The following KATNAL1 variants were observed in gnomAD, a reference collection of about 807,000 sequenced individuals.
KATNAL1 encodes the protein katanin p60 ATPase-containing subunit A-like 1.
KATNAL1 carries 32 observed loss-of-function variants against 55.2 expected under a neutral mutation model. That is an observed-to-expected ratio of 0.58 (90% CI 0.44 to 0.78). KATNAL1 has a LOEUF of 0.78. Among genes scored for constraint, KATNAL1 ranks in the 30% least tolerant of loss-of-function variants. The pLI is 0.00. For missense variants in KATNAL1, 466 were observed against 600.9 expected (o/e 0.78, Z 2.35); for synonymous variants, 193 against 193.6 (o/e 1.00, Z 0.02).
chr13:30,211,251 C>T (rs1267676630), intron 9 of KATNAL1, among the ~76,000 whole-genome samples: 1 of 152,178 alleles, frequency 6.6e-6, no homozygotes, highest in African/African-American at 2.4e-5. Context: ...ATACCCATTT[C>T]CCTTTCACTG....
chr13:30,261,039 G>C (rs1379635881), intron 3 of KATNAL1, among the ~76,000 whole-genome samples: 1 of 151,982 alleles, frequency 6.6e-6, no homozygotes, highest in Non-Finnish European at 1.5e-5. Flanking sequence ...AACTCTACAA[G>C]CCAGAAGAGA....
intron 3 of KATNAL1, among the ~76,000 whole-genome samples, chr13:30,261,961 C>T (rs897002880): frequency 2.0e-5 from 3 of 152,076 alleles, no homozygotes; most frequent in Admixed American, 6.5e-5. Context: ...TGACCACATA[C>T]TTGGAAGTAA....
intron 4 of KATNAL1, among the ~76,000 whole-genome samples, chr13:30,245,129 G>A (rs1045538866): frequency 1.1e-4 from 16 of 151,956 alleles, no homozygotes; most frequent in East Asian, 7.7e-4. Context: ...CAATATTCCC[G>A]ATGAACATCA....
chr13:30,248,298 C>T (rs547478178), intron 4 of KATNAL1, among the ~76,000 whole-genome samples: 6 of 152,226 alleles, frequency 3.9e-5, no homozygotes, highest in Non-Finnish European at 5.9e-5. Context: ...CAGAATAGCA[C>T]ATATTTCCAC....
chr13:30,279,986 T>C (rs1881151480), intron 3 of KATNAL1, 77 bp downstream of exon 3: 2 of 1,298,460 alleles, frequency 1.5e-6, no homozygotes, highest in Non-Finnish European at 1.1e-6. Context: ...TAATTTTTCA[T>C]ACTTTGTTCA....
At position 30,283,763 on chromosome 13, in the gene KATNAL1, C is replaced by T. The variant is rs201174368; in HGVS notation, c.15G>A (p.Glu5=). ...TTCCTTTCTTTGCATTATCACAAAT[C>T]TCAGCCAAATTCATCTTCTTTCAGA... The part of the protein sequence containing the change: MNLA[E]ICDNAKKGRE... The change falls in exon 2 of 11, where the codon GAG becomes GAA. Residue 5 remains glutamate, a synonymous_variant. Coordinates refer to ENST00000380615, the MANE Select transcript of KATNAL1 (RefSeq NM_032116.5). 2.9e-5 allele frequency: 47 copies of T among 1,608,754 alleles called. No homozygotes were observed. The East Asian group carries it at 1.0e-3, about 34-fold the overall frequency.
intron 3 of KATNAL1, among the ~76,000 whole-genome samples, chr13:30,277,789 C>T (rs1448368418): frequency 6.6e-6 from 1 of 151,410 alleles, no homozygotes; most frequent in Non-Finnish European, 1.5e-5. Context: ...CGAGACCATC[C>T]CGGCTAAAAC....
intron 4 of KATNAL1, 39 bp downstream of exon 4, chr13:30,255,408 G>T: frequency 7.1e-7 from 1 of 1,413,972 alleles, no homozygotes; most frequent in South Asian, 1.7e-5. Context: ...AAAAGTCCTG[G>T]GCTTCAAGTG....
chr13:30,302,757 T>C (rs991468017), intron 1 of KATNAL1, among the ~76,000 whole-genome samples: 3 of 152,210 alleles, frequency 2.0e-5, no homozygotes, highest in Non-Finnish European at 4.4e-5. Flanking sequence ...AAATGTAACA[T>C]CCTTTGAGAG....
intron 4 of KATNAL1, among the ~76,000 whole-genome samples, chr13:30,253,221 T>C (rs757565575): frequency 6.6e-6 from 1 of 152,206 alleles, no homozygotes; most frequent in Non-Finnish European, 1.5e-5. Context: ...CAAAGGCTTA[T>C]GAAGTTTGCA....
intron 1 of KATNAL1, among the ~76,000 whole-genome samples, chr13:30,294,945 T>C (rs1882382263): frequency 6.6e-6 from 1 of 152,214 alleles, no homozygotes; most frequent in African/African-American, 2.4e-5. Context: ...ACAGTATGGC[T>C]TACTGAATAT....
At chr13:30,260,967 G>A (rs1593905318) in intron 3 of KATNAL1, among the ~76,000 whole-genome samples, 1 of 151,720 alleles carries the variant, frequency 6.6e-6, no homozygotes, top group Admixed American at 6.6e-5. Context: ...GGCAGCCAGA[G>A]AGAAAGGTCG....
intron 1 of KATNAL1, among the ~76,000 whole-genome samples, chr13:30,303,750 T>C (rs1191382715): frequency 6.6e-6 from 1 of 152,194 alleles, no homozygotes; most frequent in Admixed American, 6.5e-5. Flanking sequence ...TCTTTGAAGA[T>C]GAAAACAAGG....
Position 30,206,731 on chromosome 13 carries a change from T to C in KATNAL1, c.*1809A>G, listed in dbSNP as rs1873189622. ...TTTAACAATCACAAGACTAATGTTT[T>C]AGTGACGGCTCCTAAAACTTCAGGG... On this transcript the variant is annotated 3_prime_UTR_variant, in exon 11 of 11. Transcript: ENST00000380615. The C allele has an allele frequency of 6.6e-6, 1 of 152,144 alleles. No homozygotes were observed. Among genetic ancestry groups the C allele is most frequent in the South Asian group, 2.1e-4 (1 of 4,824 alleles). 9.4% of individuals were successfully genotyped at this position (152,144 alleles called of 1,614,324 possible). A position where few individuals can be genotyped will look rare whatever the true frequency, so the allele number is the denominator to read the frequency against.
At chr13:30,259,606 G>A (rs1315390585) in intron 3 of KATNAL1, among the ~76,000 whole-genome samples, 2 of 152,056 alleles carry the variant, frequency 1.3e-5, no homozygotes, top group African/African-American at 4.8e-5. Flanking sequence ...AAAGAAAGGG[G>A]TGACAGACGG....
chr13:30,296,563 C>T, intron 1 of KATNAL1: 1 of 734,020 alleles, frequency 1.4e-6, no homozygotes, highest in East Asian at 2.7e-5. Context: ...TGCCAGATCA[C>T]TGTTAATGAT....
intron 6 of KATNAL1, among the ~76,000 whole-genome samples, chr13:30,234,885 A>T (rs936528362): frequency 2.0e-5 from 3 of 152,178 alleles, no homozygotes; most frequent in African/African-American, 7.2e-5. Context: ...TATTGTTGTT[A>T]TCACAATAGG....
At chr13:30,286,182 T>C (rs901265181) in intron 1 of KATNAL1, among the ~76,000 whole-genome samples, 1 of 152,184 alleles carries the variant, frequency 6.6e-6, no homozygotes, top group African/African-American at 2.4e-5. Flanking sequence ...CTGCAGAAAT[T>C]TGCATAAGTA....
chr13:30,237,612 A>G (rs184102379), intron 6 of KATNAL1, among the ~76,000 whole-genome samples: 7 of 151,956 alleles, frequency 4.6e-5, no homozygotes, highest in Non-Finnish European at 1.0e-4. Context: ...CATCCCAGAG[A>G]TAACGTATTT....
Sources: allele counts gnomAD v4.1 joint callset (sites outside exome capture counted in the v4.1 genomes callset), GRCh38; gene constraint gnomAD v4.1.1; transcripts MANE v1.5; gene names NCBI Gene and HGNC (gene_info 2026-07-23, HGNC 2026-07-21).